EML6: variants seen among roughly 807,000 people sequenced by gnomAD.
EML6 encodes echinoderm microtubule-associated protein-like 6.
In EML6, 154 loss-of-function variants were observed where a neutral mutation model predicts 240.1. That is an observed-to-expected ratio of 0.64 (90% confidence interval 0.56 to 0.73). The LOEUF (loss-of-function observed/expected upper bound fraction) is 0.73. EML6 is among the 30% of genes least tolerant of loss of function. The probability of loss-of-function intolerance (pLI) is 0.00; values close to 1 mark genes in which losing one functional copy is unlikely to be tolerated. For synonymous variants in EML6, 1,148 were observed against 899.0 expected (o/e 1.28, Z -4.95); for missense variants, 2,964 against 2,474.6 (o/e 1.20, Z -4.20).
chr2:54,871,465 G>C (rs1441939938), intron 15 of EML6, 35 bp from the exon 16 acceptor site: 4 of 1,448,924 alleles, frequency 2.8e-6, no homozygotes, highest in Non-Finnish European at 3.8e-6. Flanking sequence ...AGTATAACGT[G>C]TTAGTAGTTA....
intron 2 of EML6, among the ~76,000 whole-genome samples, chr2:54,805,279 TTTG>T (rs971190457): frequency 2.0e-5 from 3 of 152,228 alleles, no homozygotes; most frequent in African/African-American, 7.2e-5. Flanking sequence ...TATGCAAGTC[TTTG>T]TTTAGACATT....
At chr2:54,770,964 G>T (rs865902301) in intron 2 of EML6, among the ~76,000 whole-genome samples, 1 of 152,096 alleles carries the variant, frequency 6.6e-6, no homozygotes, top group African/African-American at 2.4e-5. Flanking sequence ...GTACTGAAAT[G>T]GAAACACAGA....
Position 54,754,722 on chromosome 2 carries a change from C to T in EML6, c.197+29464C>T, listed in dbSNP as rs1185364454. On this transcript the variant is annotated intron_variant, in intron 2 of 41. Transcript: ENST00000356458. Reference sequence around the variant, plus strand: ...TCAATCTTTTACTTTATGATTAGTGCTGTCTGGGTCCTGTTAATGAAATAT... The same window carrying T: ...TCAATCTTTTACTTTATGATTAGTGTTGTCTGGGTCCTGTTAATGAAATAT... 3.3e-5 allele frequency among the ~76,000 whole-genome samples: 5 copies of T among 152,072 alleles called. 1 individual carries two copies. The highest frequency in any genetic ancestry group is 1.3e-4 in the Admixed American group (2 of 15,270).
At chr2:54,943,534 G>T (rs1347106418) in intron 28 of EML6, among the ~76,000 whole-genome samples, 1 of 152,122 alleles carries the variant, frequency 6.6e-6, no homozygotes, top group East Asian at 1.9e-4. Flanking sequence ...AGGCCTTGTA[G>T]TCTTTTCTTC....
At chr2:54,741,177 C>A (rs1427866305) in intron 2 of EML6, among the ~76,000 whole-genome samples, 1 of 152,106 alleles carries the variant, frequency 6.6e-6, no homozygotes, top group Non-Finnish European at 1.5e-5. Flanking sequence ...TGCAGCTGAT[C>A]TTGGCCTCTC....
chr2:54,944,722 C>T (rs948158896), intron 28 of EML6, among the ~76,000 whole-genome samples: 1 of 152,074 alleles, frequency 6.6e-6, no homozygotes, highest in Non-Finnish European at 1.5e-5. Flanking sequence ...TCAGGACATC[C>T]TGCAGTTCTT....
intron 7 of EML6, 75 bp downstream of exon 7, chr2:54,829,552 C>A: frequency 8.4e-7 from 1 of 1,190,626 alleles, no homozygotes; most frequent in Non-Finnish European, 1.2e-6. Context: ...ATATTTGTTT[C>A]TCTGTACCCC....
chr2:54,789,422 G>T (rs2915635), intron 2 of EML6, among the ~76,000 whole-genome samples: 2 of 146,818 alleles, frequency 1.4e-5, no homozygotes, highest in African/African-American at 5.0e-5. Flanking sequence ...GCTGAGGCAG[G>T]AGAATGGCGT....
At chr2:54,889,420 T>C (rs892826554) in intron 17 of EML6, among the ~76,000 whole-genome samples, 1 of 101,312 alleles carries the variant, frequency 9.9e-6, no homozygotes, top group Non-Finnish European at 2.3e-5. Context: ...AGTTTTCCTT[T>C]CCAAGAACAT....
intron 2 of EML6, among the ~76,000 whole-genome samples, chr2:54,788,170 C>A (rs1190883891): frequency 6.6e-6 from 1 of 152,236 alleles, no homozygotes. Flanking sequence ...GCCAGGTTCT[C>A]GCTCACTCGC....
chr2:54,793,946 T>G (rs1462024377), intron 2 of EML6, among the ~76,000 whole-genome samples: 1 of 152,208 alleles, frequency 6.6e-6, no homozygotes, highest in Non-Finnish European at 1.5e-5. Context: ...ACTTGACAGT[T>G]GATGGAACAG....
intron 5 of EML6, among the ~76,000 whole-genome samples, chr2:54,824,039 C>A (rs974676662): frequency 2.6e-5 from 4 of 152,044 alleles, no homozygotes; most frequent in African/African-American, 9.7e-5. Flanking sequence ...TTAAGCTCAG[C>A]CTCTGACTCC....
chr2:54,818,209 T>A (rs1239079789), intron 4 of EML6, among the ~76,000 whole-genome samples: 1 of 150,768 alleles, frequency 6.6e-6, no homozygotes, highest in Non-Finnish European at 1.5e-5. Context: ...TCTCCTTACT[T>A]AGAAAAATAG....
At chr2:54,888,665 C>T (rs559931953) in intron 17 of EML6, among the ~76,000 whole-genome samples, 22 of 152,208 alleles carry the variant, frequency 1.4e-4, no homozygotes, top group South Asian at 1.0e-3. Context: ...TATATATTTA[C>T]ATTTCTTCCA....
chr2:54,753,649 A>G (rs1684270933), intron 2 of EML6, among the ~76,000 whole-genome samples: 1 of 149,650 alleles, frequency 6.7e-6, no homozygotes, highest in Non-Finnish European at 1.5e-5. Context: ...CCCCAGTAAG[A>G]ATGCAGTCCT....
chr2:54,837,307 C>T (rs369312542), intron 7 of EML6, among the ~76,000 whole-genome samples: 2 of 152,082 alleles, frequency 1.3e-5, no homozygotes, highest in East Asian at 1.9e-4. Flanking sequence ...TTTTTTTCCC[C>T]CTATTGCTAG....
Position 54,847,507 on chromosome 2 carries a change from T to A in EML6, c.1071T>A (p.His357Gln). The change falls in exon 9 of 42, where the codon CAT (histidine) becomes CAA (glutamine). Residue 357 changes from histidine to glutamine, a missense_variant. Transcript: ENST00000356458. ...CTAGGCTGTGGAGCCTGGCTGATCATGCCTTGATCGCCCGCTGTAACATGG... is the reference window on the plus strand; with the variant it reads ...CTAGGCTGTGGAGCCTGGCTGATCAAGCCTTGATCGCCCGCTGTAACATGG... ...RSVRLWSLAD[H>Q]ALIARCNMEE... is the part of the protein sequence containing the mutation. The A allele has an allele frequency of 5.2e-6, 8 of 1,551,796 alleles. No homozygotes were observed. Among genetic ancestry groups the A allele is most frequent in the Non-Finnish European group, 7.0e-6 (8 of 1,147,034 alleles).
chr2:54,954,504 T>G (rs1270090219), intron 32 of EML6, among the ~76,000 whole-genome samples: 1 of 152,244 alleles, frequency 6.6e-6, no homozygotes, highest in African/African-American at 2.4e-5. Context: ...TCTTCCGTGC[T>G]CTTTCTGATG....
At chr2:54,892,679 C>G (rs1382688815) in intron 19 of EML6, 23 bp downstream of exon 19, 1 of 1,526,250 alleles carries the variant, frequency 6.6e-7, no homozygotes, top group African/African-American at 1.4e-5. Flanking sequence ...TATCAGCATT[C>G]ATTTTCCTCA....
Sources: gnomAD v4.1 joint callset for allele counts (sites outside exome capture counted in the v4.1 genomes callset) on GRCh38, gnomAD v4.1.1 for gene constraint, MANE v1.5 for transcripts, NCBI Gene and HGNC (gene_info 2026-07-23, HGNC 2026-07-21) for gene names.